PHF21B: variants seen among roughly 807,000 people sequenced by gnomAD.
The protein encoded by PHF21B is PHD finger protein 4.
Under a neutral mutation model 62.2 loss-of-function variants are expected in PHF21B, and 22 were observed. The ratio of observed to expected loss-of-function variants is 0.35; its 90% CI spans 0.25 to 0.51. The LOEUF (loss-of-function observed/expected upper bound fraction) is 0.51. Among genes scored for constraint, PHF21B ranks in the 20% least tolerant of loss-of-function variants. The pLI, the probability that PHF21B is intolerant of heterozygous loss-of-function variation, is 0.97. For synonymous variants in PHF21B, 341 were observed against 314.7 expected, an observed-to-expected ratio of 1.08 and a Z score of -0.88; for missense variants, 701 against 707.9, an observed-to-expected ratio of 0.99 and a Z score of 0.11.
At chr22:44,949,265 C>T (rs1302006965) in intron 2 of PHF21B, among the ~76,000 whole-genome samples, 1 of 138,454 alleles carries the variant, frequency 7.2e-6, no homozygotes, top group Non-Finnish European at 1.5e-5. Flanking sequence ...CGTGCCATTG[C>T]ACTTCAGCCT....
intron 2 of PHF21B, among the ~76,000 whole-genome samples, chr22:44,945,871 G>C (rs2072058820): frequency 6.6e-6 from 1 of 152,294 alleles, no homozygotes; most frequent in South Asian, 2.1e-4. Flanking sequence ...TCAGGCCCCA[G>C]GCAGTGAGAT....
At chr22:44,949,524 A>C (rs2072151676) in intron 2 of PHF21B, among the ~76,000 whole-genome samples, 1 of 152,138 alleles carries the variant, frequency 6.6e-6, no homozygotes, top group Admixed American at 6.5e-5. Flanking sequence ...TTCTTCCCTG[A>C]AGTGACAGAT....
At chr22:44,900,817 G>T (rs2071146241) in intron 5 of PHF21B, among the ~76,000 whole-genome samples, 1 of 148,672 alleles carries the variant, frequency 6.7e-6, no homozygotes, top group African/African-American at 2.5e-5. Flanking sequence ...GATGCCTATA[G>T]GATTCTTTTG....
chr22:44,986,180 C>T (rs907254624), intron 2 of PHF21B, among the ~76,000 whole-genome samples: 2 of 151,702 alleles, frequency 1.3e-5, no homozygotes, highest in Non-Finnish European at 2.9e-5. Flanking sequence ...TGAGCACCCC[C>T]ATCACCAGCA....
intron 2 of PHF21B, among the ~76,000 whole-genome samples, chr22:44,960,767 T>C (rs904602304): frequency 6.6e-6 from 1 of 152,190 alleles, no homozygotes; most frequent in Non-Finnish European, 1.5e-5. Context: ...GAAGTCCTGC[T>C]GTCTGCCTGC....
intron 2 of PHF21B, among the ~76,000 whole-genome samples, chr22:44,979,352 G>A (rs2072795513): frequency 6.6e-6 from 1 of 152,240 alleles, no homozygotes; most frequent in Non-Finnish European, 1.5e-5. Flanking sequence ...ACACTCCAGA[G>A]GCTGTCGTGG....
intron 2 of PHF21B, among the ~76,000 whole-genome samples, chr22:44,998,047 C>T (rs965379429): frequency 2.0e-5 from 3 of 152,224 alleles, no homozygotes; most frequent in Admixed American, 6.5e-5. Context: ...CCTGATTCTC[C>T]AGGGACACAG....
At chr22:44,928,629 C>T (rs1371877731) in intron 2 of PHF21B, among the ~76,000 whole-genome samples, 6 of 152,194 alleles carry the variant, frequency 3.9e-5, no homozygotes, top group Admixed American at 6.5e-5. Flanking sequence ...GGGCTGGTCT[C>T]GAACTCCCGA....
At position 44,906,133 on chromosome 22, in the gene PHF21B, G is replaced by A. The variant is rs115698210; in HGVS notation, c.831+7689C>T. ...CCAAGGGTGTGGGTCCCTGGCTGCC[G>A]TGTTTTAGGGACACAGCAACGTTCA... On this transcript the variant is annotated intron_variant, in intron 5 of 12. Coordinates refer to ENST00000313237, the MANE Select transcript of PHF21B (RefSeq NM_138415.5). Among the ~76,000 whole-genome samples the A allele has an allele frequency of 4.9e-3, 744 of 152,256 alleles. 4 individuals carry two copies. Among genetic ancestry groups the A allele is most frequent in the African/African-American group, 0.017 (686 of 41,548 alleles).
chr22:44,972,210 G>T (rs576472267), intron 2 of PHF21B, among the ~76,000 whole-genome samples: 2 of 152,370 alleles, frequency 1.3e-5, no homozygotes, highest in Non-Finnish European at 2.9e-5. Context: ...CTTCTTACCA[G>T]AGACATGACT....
At chr22:44,908,615 C>T (rs1268797171) in intron 5 of PHF21B, among the ~76,000 whole-genome samples, 1 of 152,168 alleles carries the variant, frequency 6.6e-6, no homozygotes, top group Non-Finnish European at 1.5e-5. Context: ...AGCGGAGTTG[C>T]CCAAACACCA....
At chr22:44,960,024 C>A (rs561603523) in intron 2 of PHF21B, among the ~76,000 whole-genome samples, 1 of 152,196 alleles carries the variant, frequency 6.6e-6, no homozygotes, top group African/African-American at 2.4e-5. Flanking sequence ...ACCTCAGCAC[C>A]GGACGTGTCT....
chr22:44,935,035 T>C (rs2071817056), intron 2 of PHF21B, among the ~76,000 whole-genome samples: 1 of 152,170 alleles, frequency 6.6e-6, no homozygotes. Context: ...GATATCTCTG[T>C]GGCTGGTTAA....
chr22:44,965,692 G>T (rs1017072360), intron 2 of PHF21B, among the ~76,000 whole-genome samples: 36 of 152,278 alleles, frequency 2.4e-4, no homozygotes, highest in African/African-American at 7.7e-4. Context: ...CTGAGTGGCT[G>T]GTATCTGACC....
At chr22:44,961,807 T>C (rs1193941247) in intron 2 of PHF21B, among the ~76,000 whole-genome samples, 1 of 151,768 alleles carries the variant, frequency 6.6e-6, no homozygotes, top group South Asian at 2.1e-4. Flanking sequence ...CGCGCACCAC[T>C]GCAATCCAGC....
At position 45,009,007 on chromosome 22, in the gene PHF21B, C is replaced by T; in HGVS notation, c.55-397G>A. 2 of 1,112,438 alleles carry T rather than the reference C, an allele frequency of 1.8e-6. No individual in the cohort carries two copies. Among genetic ancestry groups the T allele is most frequent in the Non-Finnish European group, 2.2e-6 (2 of 912,102 alleles). 68.9% of individuals were successfully genotyped at this position (1,112,438 alleles called of 1,614,324 possible). The stretch of plus-strand genomic sequence containing the variant: ...AAGCTCATAAATATTCAAGTCGCGT[C>T]CTAATCTCCCCAACACACACACGCG... On this transcript the variant is annotated intron_variant, in intron 1 of 12. Coordinates refer to ENST00000313237, the MANE Select transcript of PHF21B (RefSeq NM_138415.5). This position sits in a 1 kb window ranked among gnomAD's most constrained non-coding sequence, Gnocchi z 5.9.
chr22:44,982,046 C>T (rs2072851658), intron 2 of PHF21B, among the ~76,000 whole-genome samples: 1 of 152,254 alleles, frequency 6.6e-6, no homozygotes, highest in African/African-American at 2.4e-5. Flanking sequence ...CACCCACCAG[C>T]CCCGAGGGAA....
chr22:44,893,566 C>G, intron 6 of PHF21B, 33 bp from the exon 7 acceptor site: 1 of 1,566,012 alleles, frequency 6.4e-7, no homozygotes, highest in Non-Finnish European at 8.7e-7. Flanking sequence ...GTTACTGGGT[C>G]CTGCCTGCCC....
At chr22:44,935,310 T>TA (rs1336223735) in intron 2 of PHF21B, among the ~76,000 whole-genome samples, 1 of 152,110 alleles carries the variant, frequency 6.6e-6, no homozygotes, top group Non-Finnish European at 1.5e-5. Flanking sequence ...AGGTTTGCCC[T>TA]GACAGTTAAA....
Sources: gnomAD v4.1 joint callset for allele counts (sites outside exome capture counted in the v4.1 genomes callset) on GRCh38, gnomAD v4.1.1 for gene constraint, Gnocchi (gnomAD v3.1) non-coding constraint, MANE v1.5 for transcripts, NCBI Gene and HGNC (gene_info 2026-07-23, HGNC 2026-07-21) for gene names.